The following WWOX variants were observed in gnomAD, a reference collection of about 807,000 sequenced individuals.
WWOX encodes WW domain-containing oxidoreductase.
WWOX carries 69 observed loss-of-function variants against 46.2 expected under a neutral mutation model. That is an observed-to-expected ratio of 1.49 (90% CI 1.23 to 1.82). WWOX has a LOEUF of 1.82. WWOX is among the 40% of genes most tolerant of loss of function. WWOX has a pLI of 0.00. For missense variants in WWOX, 919 were observed against 542.6 expected (o/e 1.69, Z -6.89); for synonymous variants, 359 against 202.6 (o/e 1.77, Z -6.56).
At chr16:78,324,381 G>T (rs147627482) in intron 5 of WWOX, among the ~76,000 whole-genome samples, 4 of 152,134 alleles carry the variant, frequency 2.6e-5, no homozygotes, top group Non-Finnish European at 5.9e-5. Context: ...GAAAACAGTC[G>T]GCGGTTCCTC....
chr16:78,970,433 AACTCTT>A (rs1787927717), intron 8 of WWOX, among the ~76,000 whole-genome samples: 2 of 152,210 alleles, frequency 1.3e-5, no homozygotes, highest in East Asian at 3.9e-4. Context: ...ACAAAGGTGC[AACTCTT>A]GCTCTTGAGC....
intron 8 of WWOX, among the ~76,000 whole-genome samples, chr16:79,094,295 C>T (rs565016926): frequency 1.2e-4 from 18 of 151,170 alleles, no homozygotes; most frequent in East Asian, 3.9e-4. Flanking sequence ...GCTCTGTCTC[C>T]CAGGCTGGAG....
chr16:78,492,270 C>A (rs1427315045), intron 8 of WWOX, among the ~76,000 whole-genome samples: 8 of 152,150 alleles, frequency 5.3e-5, no homozygotes, highest in Admixed American at 1.3e-4. Context: ...ACACTCATTC[C>A]GAAGGCGGGT....
chr16:78,537,002 C>G (rs1439321192), intron 8 of WWOX, among the ~76,000 whole-genome samples: 1 of 151,218 alleles, frequency 6.6e-6, no homozygotes, highest in Non-Finnish European at 1.5e-5. Flanking sequence ...CTGCAACGTG[C>G]ACCTCTCAGG....
At chr16:78,356,071 TA>T (rs61113878) in intron 5 of WWOX, among the ~76,000 whole-genome samples, 4,018 of 75,906 alleles carry the variant, frequency 0.053, 198 homozygotes, top group African/African-American at 0.16. Flanking sequence ...TTTTTTTTCC[TA>T]AAAAAAAAAA....
intron 8 of WWOX, among the ~76,000 whole-genome samples, chr16:78,500,998 A>C (rs1222475219): frequency 6.6e-6 from 1 of 152,104 alleles, no homozygotes; most frequent in Non-Finnish European, 1.5e-5. Flanking sequence ...CCAGGGAAAT[A>C]TGTTTCACTT....
At chr16:78,111,098 C>G (rs1008772193) in intron 3 of WWOX, among the ~76,000 whole-genome samples, 1 of 151,980 alleles carries the variant, frequency 6.6e-6, no homozygotes, top group South Asian at 2.1e-4. Context: ...CAGCCCTCCT[C>G]TGAGTGTGAG....
chr16:78,626,119 A>G (rs1195339501), intron 8 of WWOX, among the ~76,000 whole-genome samples: 1 of 151,532 alleles, frequency 6.6e-6, no homozygotes, highest in African/African-American at 2.4e-5. Flanking sequence ...CATCCAGGAT[A>G]CCACTTTTAT....
chr16:78,773,586 G>A (rs1483857406), intron 8 of WWOX, among the ~76,000 whole-genome samples: 2 of 152,174 alleles, frequency 1.3e-5, no homozygotes, highest in African/African-American at 2.4e-5. Context: ...TCATAGCTCC[G>A]CACTCGTGGG....
intron 6 of WWOX, among the ~76,000 whole-genome samples, chr16:78,403,807 A>C (rs927007077): frequency 2.0e-5 from 3 of 152,218 alleles, no homozygotes; most frequent in African/African-American, 7.2e-5. Flanking sequence ...TGCCAGCTCT[A>C]GCCCTTCACT....
chr16:78,384,503 A>G (rs1160796728), intron 5 of WWOX, among the ~76,000 whole-genome samples: 2 of 152,158 alleles, frequency 1.3e-5, no homozygotes, highest in Admixed American at 6.5e-5. Flanking sequence ...ATCTGGAGGT[A>G]CACACCTTTC....
intron 8 of WWOX, among the ~76,000 whole-genome samples, chr16:78,788,071 A>T (rs1005444367): frequency 1.3e-5 from 2 of 152,194 alleles, no homozygotes; most frequent in African/African-American, 4.8e-5. Context: ...TCCTTTGCAA[A>T]CATTTTCTCT....
chr16:79,028,239 A>G (rs2656648), intron 8 of WWOX, among the ~76,000 whole-genome samples: 23,610 of 151,684 alleles, frequency 0.16, 2,193 homozygotes, highest in East Asian at 0.24. Flanking sequence ...GTGAGCCACC[A>G]CGCCCGACTG....
chr16:79,185,793 G>C (rs2048064981), intron 8 of WWOX, among the ~76,000 whole-genome samples: 1 of 152,150 alleles, frequency 6.6e-6, no homozygotes. Context: ...GTGGTTCTCA[G>C]GGTAGAATGC....
chr16:78,476,913 C>G (rs1004510618), intron 8 of WWOX, among the ~76,000 whole-genome samples: 4 of 152,110 alleles, frequency 2.6e-5, no homozygotes, highest in African/African-American at 9.7e-5. Flanking sequence ...CCCCTCTCCC[C>G]CTTCTCCTTT....
At chr16:78,843,672 C>G (rs879903423) in intron 8 of WWOX, among the ~76,000 whole-genome samples, 2 of 132,684 alleles carry the variant, frequency 1.5e-5, no homozygotes, top group African/African-American at 2.5e-5. Context: ...AATTCATTCC[C>G]TCTCCGTGGC....
intron 8 of WWOX, among the ~76,000 whole-genome samples, chr16:79,194,982 T>A (rs1172210030): frequency 6.6e-6 from 1 of 152,172 alleles, no homozygotes; most frequent in Non-Finnish European, 1.5e-5. Context: ...GTTCTACTAC[T>A]ACCGCCACTG....
intron 8 of WWOX, among the ~76,000 whole-genome samples, chr16:79,018,415 G>C (rs2047460829): frequency 6.6e-6 from 1 of 152,158 alleles, no homozygotes; most frequent in Non-Finnish European, 1.5e-5. Flanking sequence ...TGAGCAATCA[G>C]ATACTTTATC....
chr16:78,497,391 C>T (rs935957325), intron 8 of WWOX, among the ~76,000 whole-genome samples: 5 of 152,166 alleles, frequency 3.3e-5, no homozygotes, highest in African/African-American at 1.2e-4. Flanking sequence ...AGGAAAGCTC[C>T]ATGACACTGG....
Sources: gnomAD v4.1 joint callset for allele counts (sites outside exome capture counted in the v4.1 genomes callset) on GRCh38, gnomAD v4.1.1 for gene constraint, MANE v1.5 for transcripts, NCBI Gene and HGNC (gene_info 2026-07-23, HGNC 2026-07-21) for gene names.